Variants in LSM1 observed in about 807,000 individuals in gnomAD.
LSM1 encodes U6 snRNA-associated Sm-like protein LSm1.
LSM1 carries 13 observed loss-of-function variants against 18.0 expected under a neutral mutation model. The observed-to-expected ratio is 0.72, with a 90% CI of 0.47 to 1.15. The LOEUF (loss-of-function observed/expected upper bound fraction) is 1.15. LSM1 is among the 50% of genes most tolerant of loss of function. LSM1 has a pLI of 0.00. For missense variants in LSM1, 152 were observed against 157.7 expected (o/e 0.96, Z 0.19); for synonymous variants, 46 against 56.0 (o/e 0.82, Z 0.80).
chr8:38,163,927 C>T lies in LSM1; in HGVS notation c.232-87G>A, dbSNP rs557736804. 1.2e-4 allele frequency: 138 copies of T among 1,183,414 alleles called. 1 individual carries two copies. The South Asian group carries it at 1.6e-3, about 14-fold the overall frequency. 73.3% of individuals were successfully genotyped at this position (1,183,414 alleles called of 1,614,324 possible). On this transcript the variant is annotated intron_variant, in intron 3 of 3. Coordinates refer to ENST00000311351, the MANE Select transcript of LSM1 (RefSeq NM_014462.3). ...AAGGCAAATGGATTCCTCTATCAGG[C>T]TCAGATTATTTTTCATAACTGTGAC...
intron 3 of LSM1, among the ~76,000 whole-genome samples, chr8:38,166,472 T>C (rs1349664389): frequency 2.0e-5 from 3 of 152,260 alleles, no homozygotes; most frequent in African/African-American, 4.8e-5. Flanking sequence ...TCACTGTCCA[T>C]AGATTCAGTT....
At chr8:38,171,349 C>T (rs760518195) in intron 2 of LSM1, among the ~76,000 whole-genome samples, 1 of 152,178 alleles carries the variant, frequency 6.6e-6, no homozygotes. Flanking sequence ...GTGAGTGAAG[C>T]TCCTTCAAAC....
chr8:38,172,325 T>C (rs1241238795), intron 1 of LSM1, among the ~76,000 whole-genome samples: 2 of 49,370 alleles, frequency 4.1e-5, no homozygotes, highest in East Asian at 1.3e-3. Context: ...TCCTTTTTTC[T>C]TTTTTTTTTT....
intron 3 of LSM1, among the ~76,000 whole-genome samples, chr8:38,164,443 G>T (rs1802894272): frequency 6.6e-6 from 1 of 151,586 alleles, no homozygotes; most frequent in Non-Finnish European, 1.5e-5. Flanking sequence ...AATTAGGGCT[G>T]CTTATAGACA....
At chr8:38,168,556 A>T (rs1585639512) in intron 3 of LSM1, among the ~76,000 whole-genome samples, 1 of 148,104 alleles carries the variant, frequency 6.8e-6, no homozygotes, top group Admixed American at 6.8e-5. Context: ...ATGCCATTGC[A>T]CTCCAGCCTG....
rs1280526506 is a variant in LSM1 at position 38,176,457 on chromosome 8, T to C, written c.-137A>G. The C allele has an allele frequency of 1.5e-6, 1 of 688,164 alleles. No homozygotes were observed. The highest frequency in any genetic ancestry group is 2.5e-6 in the Non-Finnish European group (1 of 404,550). The allele number at this position is 688,164 out of a possible 1,614,324, so 42.6% of individuals were successfully genotyped here. On this transcript the variant is annotated 5_prime_UTR_variant, in exon 1 of 4. Coordinates refer to ENST00000311351, the MANE Select transcript of LSM1 (RefSeq NM_014462.3). ...CGAGACCAGCACTTCTGCCCCGGCT[T>C]TCAGCCGCCGGGGGCTGCCGGAAGC...
intron 2 of LSM1, chr8:38,170,831 T>C (rs988427296): frequency 1.3e-5 from 3 of 228,262 alleles, no homozygotes; most frequent in African/African-American, 6.7e-5. Flanking sequence ...AGGACTCCAA[T>C]TTGTTAACAA....
intron 1 of LSM1, 97 bp from the exon 2 acceptor site, chr8:38,172,130 C>A: frequency 2.4e-6 from 2 of 827,774 alleles, no homozygotes; most frequent in African/African-American, 1.7e-5. Context: ...ACTTCCTCGG[C>A]CAATGCATTT....
At chr8:38,172,324 C>CTT (rs66755601) in intron 1 of LSM1, among the ~76,000 whole-genome samples, 32 of 123,654 alleles carry the variant, frequency 2.6e-4, no homozygotes, top group South Asian at 7.6e-4. Context: ...TTCCTTTTTT[C>CTT]TTTTTTTTTT....
At chr8:38,170,774 C>T (rs977172919) in intron 2 of LSM1, among the ~76,000 whole-genome samples, 2 of 152,176 alleles carry the variant, frequency 1.3e-5, no homozygotes, top group Non-Finnish European at 2.9e-5. Flanking sequence ...AACTTAATAG[C>T]CACTACCCTT....
chr8:38,169,697 CAGATA>C lies in LSM1; in HGVS notation c.231+100_231+104del, dbSNP rs1585640186. 15 of 648,898 alleles carry C rather than the reference CAGATA, an allele frequency of 2.3e-5. No homozygotes were observed. In the East Asian group the frequency reaches 4.0e-4, roughly 17 times the overall value. 40.2% of individuals were successfully genotyped at this position (648,898 alleles called of 1,614,324 possible). A position where few individuals can be genotyped will look rare whatever the true frequency, so the allele number is the denominator to read the frequency against. On this transcript the variant is annotated intron_variant, in intron 3 of 3. Transcript: ENST00000311351. Reference sequence around the variant, plus strand: ...AATTTGGTAGTTGCCTAGGAGAAGCCAGATAAATGTGGAGAATATTTTTATTCTCT... The same window carrying C: ...AATTTGGTAGTTGCCTAGGAGAAGCCAATGTGGAGAATATTTTTATTCTCT...
At chr8:38,175,486 A>C (rs17435276) in intron 1 of LSM1, among the ~76,000 whole-genome samples, 33,740 of 152,144 alleles carry the variant, frequency 0.22, 4,077 homozygotes, top group East Asian at 0.31. Context: ...GAGAAAGATC[A>C]CATGATTAAA....
At chr8:38,173,291 G>T (rs949189896) in intron 1 of LSM1, among the ~76,000 whole-genome samples, 7 of 151,038 alleles carry the variant, frequency 4.6e-5, no homozygotes, top group African/African-American at 1.7e-4. Context: ...TACAGAGAGA[G>T]AAACTGTATT....
At position 38,163,631 on chromosome 8, in the gene LSM1, C is replaced by A. The variant is rs767217307; in HGVS notation, c.*39G>T. ...GGATGTCACTTTCACTCAGTGACAG[C>A]CCCTACTCTTCAAGAGCCAACAGCC... is the stretch of plus-strand genomic sequence containing the variant. On this transcript the variant is annotated 3_prime_UTR_variant, in exon 4 of 4. Coordinates refer to ENST00000311351, the MANE Select transcript of LSM1 (RefSeq NM_014462.3). 1 of 1,594,390 alleles carries A rather than the reference C, an allele frequency of 6.3e-7. No individual in the cohort carries two copies. Among genetic ancestry groups the A allele is most frequent in the Non-Finnish European group, 8.6e-7 (1 of 1,163,558 alleles).
intron 3 of LSM1, among the ~76,000 whole-genome samples, chr8:38,166,631 C>A (rs1802936162): frequency 6.6e-6 from 1 of 152,166 alleles, no homozygotes; most frequent in Non-Finnish European, 1.5e-5. Flanking sequence ...AGATGCTCTG[C>A]CCTGCATACT....
In LSM1 at chr8:38,173,160, CT is replaced by C. The variant is rs1803058727; in HGVS notation, c.47-1128del. Among the ~76,000 whole-genome samples the C allele has an allele frequency of 2.0e-5, 3 of 152,100 alleles. 1 individual carries two copies. In the South Asian group the frequency reaches 6.2e-4, roughly 32 times the overall value. On this transcript the variant is annotated intron_variant, in intron 1 of 3. Transcript: ENST00000311351. ...CAGCAAAATTTCTTTCATTCCATGC[CT>C]AAAGTACTTTCTAGATGCAGAACAG...
chr8:38,175,174 G>A (rs528054595), intron 1 of LSM1, among the ~76,000 whole-genome samples: 5 of 145,430 alleles, frequency 3.4e-5, no homozygotes, highest in African/African-American at 1.3e-4. Context: ...TTCTCCTCCC[G>A]GGTTCAAGCG....
rs930817502 is a variant in LSM1 at position 38,175,963 on chromosome 8, C to A, written c.46+312G>T. The A allele has an allele frequency of 1.3e-5, 4 of 310,010 alleles. No individual in the cohort carries two copies. In the Admixed American group the frequency reaches 1.6e-4, roughly 12 times the overall value. The allele number at this position is 310,010 out of a possible 1,614,324, so 19.2% of individuals were successfully genotyped here. A position where few individuals can be genotyped will look rare whatever the true frequency, so the allele number is the denominator to read the frequency against. On this transcript the variant is annotated intron_variant, in intron 1 of 3. Transcript: ENST00000311351. Reference sequence around the variant, plus strand: ...GGAGTGGACGGGGGAGAAGCCCCCCCCCTCCCCGGGCTTCTTTCGTGTTCG... The same window carrying A: ...GGAGTGGACGGGGGAGAAGCCCCCCACCTCCCCGGGCTTCTTTCGTGTTCG...
At chr8:38,171,650 G>A (rs973669910) in intron 2 of LSM1, among the ~76,000 whole-genome samples, 4 of 152,180 alleles carry the variant, frequency 2.6e-5, no homozygotes, top group South Asian at 2.1e-4. Context: ...CTGGGTGACC[G>A]AGAGCGCGTC....
Sources: allele counts gnomAD v4.1 joint callset (sites outside exome capture counted in the v4.1 genomes callset), GRCh38; gene constraint gnomAD v4.1.1; transcripts MANE v1.5; gene names NCBI Gene and HGNC (gene_info 2026-07-23, HGNC 2026-07-21).